The following RPF2 variants were observed in gnomAD, a reference collection of about 807,000 sequenced individuals.
RPF2 encodes the protein brix domain containing 1.
In RPF2, 21 loss-of-function variants were observed where a neutral mutation model predicts 38.9. The observed-to-expected ratio is 0.54, with a 90% CI of 0.38 to 0.78. RPF2 has a LOEUF of 0.78. Ranked by LOEUF, RPF2 falls within the 30% of genes least tolerant of loss-of-function variation. The pLI is 0.00. For synonymous variants in RPF2, 121 were observed against 126.2 expected (o/e 0.96, Z 0.28); for missense variants, 314 against 358.1 (o/e 0.88, Z 0.99).
At chr6:110,988,741 C>T (rs1263379891) in intron 2 of RPF2, among the ~76,000 whole-genome samples, 5 of 152,090 alleles carry the variant, frequency 3.3e-5, no homozygotes, top group Admixed American at 1.3e-4. Context: ...AATTGTTTCC[C>T]TAGAGAGAGA....
In RPF2 at chr6:111,008,898, C is replaced by CTTTTTTTTTTTTTTTTTTTT. The variant is rs57167034; in HGVS notation, c.493+779_493+780insTTTTTTTTTTTTTTTTTTTT. The stretch of plus-strand genomic sequence containing the variant: ...AAGCCCTCAGTGACCTTCCTGGCTC[C>CTTTTTTTTTTTTTTTTTTTT]TTTTTTTTTTTTTTTTTTAAAGATA... On this transcript the variant is annotated intron_variant, in intron 7 of 9. Transcript: ENST00000441448. Among the ~76,000 whole-genome samples, 300 of 120,342 alleles carry CTTTTTTTTTTTTTTTTTTTT rather than the reference C, an allele frequency of 2.5e-3. 21 individuals carry two copies. The highest frequency in any genetic ancestry group is 6.8e-3 in the African/African-American group (204 of 30,062). 78.9% of individuals were successfully genotyped at this position (120,342 alleles called of 152,430 possible). A position where few individuals can be genotyped will look rare whatever the true frequency, so the allele number is the denominator to read the frequency against.
At chr6:111,023,006 C>T (rs1245172141) in intron 8 of RPF2, among the ~76,000 whole-genome samples, 1 of 152,266 alleles carries the variant, frequency 6.6e-6, no homozygotes, top group Non-Finnish European at 1.5e-5. Context: ...TTAAGCGATT[C>T]TCCTGCCTCA....
rs180703278 is a variant in RPF2, at chr6:111,027,505, G to A, written c.*1923G>A. 1 of 152,312 alleles carries A rather than the reference G, an allele frequency of 6.6e-6. No homozygotes were observed. Among genetic ancestry groups the A allele is most frequent in the Non-Finnish European group, 1.5e-5 (1 of 68,044 alleles). 9.4% of individuals were successfully genotyped at this position (152,312 alleles called of 1,614,324 possible). A position where few individuals can be genotyped will look rare whatever the true frequency, so the allele number is the denominator to read the frequency against. ...CTTCCCCAAAGCCTCGCTCATCACT[G>A]GTAGGAGGCAAAGCAGTGGGTCCTC... On this transcript the variant is annotated 3_prime_UTR_variant, in exon 10 of 10. Coordinates refer to ENST00000441448, the MANE Select transcript of RPF2 (RefSeq NM_032194.3).
intron 1 of RPF2, among the ~76,000 whole-genome samples, chr6:110,984,504 T>A: frequency 6.6e-6 from 1 of 152,156 alleles, no homozygotes; most frequent in African/African-American, 2.4e-5. Flanking sequence ...AAACACTTAT[T>A]TAACAATAAT....
At chr6:111,021,877 T>A (rs1315947756) in intron 8 of RPF2, among the ~76,000 whole-genome samples, 1 of 152,192 alleles carries the variant, frequency 6.6e-6, no homozygotes, top group Admixed American at 6.5e-5. Context: ...TAAATGAGGT[T>A]TATAAAATGG....
At chr6:110,991,222 T>C (rs1032006588) in intron 3 of RPF2, among the ~76,000 whole-genome samples, 1 of 152,146 alleles carries the variant, frequency 6.6e-6, no homozygotes, top group Non-Finnish European at 1.5e-5. Flanking sequence ...ATAATGTAAA[T>C]GCTATGTAAA....
intron 2 of RPF2, among the ~76,000 whole-genome samples, chr6:110,988,349 T>G (rs1771558587): frequency 6.6e-6 from 1 of 152,182 alleles, no homozygotes; most frequent in Non-Finnish European, 1.5e-5. Flanking sequence ...TATTACTGTT[T>G]CTAAGTTTTC....
At chr6:110,998,097 G>A (rs1771749508) in intron 5 of RPF2, among the ~76,000 whole-genome samples, 1 of 152,050 alleles carries the variant, frequency 6.6e-6, no homozygotes, top group Non-Finnish European at 1.5e-5. Context: ...TAGAGACGGG[G>A]TTTCACCATG....
chr6:111,002,779 T>G (rs899441273), intron 6 of RPF2, among the ~76,000 whole-genome samples: 1 of 152,104 alleles, frequency 6.6e-6, no homozygotes, highest in African/African-American at 2.4e-5. Flanking sequence ...CAGTCTTTTT[T>G]TTTTTTGAGA....
chr6:110,999,667 C>A, intron 5 of RPF2, 44 bp from the exon 6 acceptor site: 3 of 1,282,880 alleles, frequency 2.3e-6, no homozygotes, highest in East Asian at 4.6e-5. Context: ...TGTAAGGTGG[C>A]TCTTTGGGAA....
At chr6:110,986,501 A>G (rs990535041) in intron 2 of RPF2, among the ~76,000 whole-genome samples, 2 of 152,250 alleles carry the variant, frequency 1.3e-5, no homozygotes, top group African/African-American at 2.4e-5. Context: ...AAATGTATCA[A>G]GCGGAGCAGG....
At position 110,991,386 on chromosome 6, in the gene RPF2, C is replaced by T. The variant is rs543694069; in HGVS notation, c.195-361C>T. On this transcript the variant is annotated intron_variant, in intron 3 of 9. Coordinates refer to ENST00000441448, the MANE Select transcript of RPF2 (RefSeq NM_032194.3). ...TTTCACTGTTGTAAGCCACTGTGCTCGGCGCCCCCTGCTTTTTTTTTTTTT... is the reference window on the plus strand; with the variant it reads ...TTTCACTGTTGTAAGCCACTGTGCTTGGCGCCCCCTGCTTTTTTTTTTTTT... 1.8e-3 allele frequency among the ~76,000 whole-genome samples: 270 copies of T among 147,412 alleles called. 2 individuals are homozygous for T. Among genetic ancestry groups the T allele is most frequent in the Admixed American group, 2.0e-3 (30 of 14,648 alleles).
At chr6:111,000,470 A>T (rs1771795034) in intron 6 of RPF2, among the ~76,000 whole-genome samples, 1 of 152,230 alleles carries the variant, frequency 6.6e-6, no homozygotes, top group Admixed American at 6.5e-5. Flanking sequence ...AATTGAACCC[A>T]GGAAGCTCTG....
chr6:110,999,108 A>C (rs565110961), intron 5 of RPF2, among the ~76,000 whole-genome samples: 31 of 152,228 alleles, frequency 2.0e-4, no homozygotes, highest in African/African-American at 7.2e-4. Flanking sequence ...CTCTGTCGGA[A>C]TCAAATTCTG....
intron 8 of RPF2, among the ~76,000 whole-genome samples, chr6:111,017,335 C>T (rs1437430080): frequency 2.1e-4 from 31 of 151,150 alleles, no homozygotes; most frequent in Admixed American, 1.2e-3. Context: ...CCGGATGGGG[C>T]GGCTGGCCGG....
intron 6 of RPF2, among the ~76,000 whole-genome samples, chr6:111,005,549 C>G (rs553722387): frequency 6.6e-6 from 1 of 152,170 alleles, no homozygotes; most frequent in African/African-American, 2.4e-5. Flanking sequence ...GAGAATTGGT[C>G]TATACTTTCT....
rs765238747 is a variant in RPF2, at chr6:110,997,384, G to GAGGC, written c.316+122_316+125dup. On this transcript the variant is annotated intron_variant, in intron 5 of 9. Transcript: ENST00000441448. ...TCTTCAGAGGAAATAATTCATCCAA[G>GAGGC]AGGCATAGGCAGAGTAAGAGACTGA... is the stretch of plus-strand genomic sequence containing the variant. 681 of 651,496 alleles carry GAGGC rather than the reference G, an allele frequency of 1.0e-3. 1 individual carries two copies. The highest frequency in any genetic ancestry group is 1.5e-3 in the Non-Finnish European group (559 of 363,264). The allele number at this position is 651,496 out of a possible 1,614,324, so 40.4% of individuals were successfully genotyped here.
intron 5 of RPF2, 96 bp from the exon 6 acceptor site, chr6:110,999,615 C>A (rs1771778642): frequency 2.8e-6 from 2 of 720,218 alleles, no homozygotes; most frequent in East Asian, 2.5e-5. Context: ...AAAAAAGAGG[C>A]AGATATTAGG....
At chr6:110,991,433 A>G (rs925434896) in intron 3 of RPF2, among the ~76,000 whole-genome samples, 10 of 135,892 alleles carry the variant, frequency 7.4e-5, no homozygotes, top group East Asian at 4.1e-4. Flanking sequence ...TTCTTTGTCT[A>G]TTGAATACTG....
Sources: gnomAD v4.1 joint callset for allele counts (sites outside exome capture counted in the v4.1 genomes callset) on GRCh38, gnomAD v4.1.1 for gene constraint, MANE v1.5 for transcripts, NCBI Gene and HGNC (gene_info 2026-07-23, HGNC 2026-07-21) for gene names.